KCNIP4: variants seen among roughly 807,000 people sequenced by gnomAD.
The protein encoded by KCNIP4 is Kv channel-interacting protein 4.
KCNIP4 carries 12 observed loss-of-function variants against 34.0 expected under a neutral mutation model. That is an observed-to-expected ratio of 0.35 (90% CI 0.23 to 0.57). The LOEUF is 0.57. Among genes scored for constraint, KCNIP4 ranks in the 20% least tolerant of loss-of-function variants. The pLI is 0.83. For missense variants in KCNIP4, 238 were observed against 311.7 expected (o/e 0.76, Z 1.78); for synonymous variants, 124 against 102.2 (o/e 1.21, Z -1.29).
At chr4:21,020,254 T>A (rs1739920735) in intron 1 of KCNIP4, among the ~76,000 whole-genome samples, 1 of 152,156 alleles carries the variant, frequency 6.6e-6, no homozygotes, top group African/African-American at 2.4e-5. Context: ...TTATCTAAAT[T>A]ATCTGAGAAA....
intron 1 of KCNIP4, among the ~76,000 whole-genome samples, chr4:21,390,515 C>A (rs4634205): frequency 0.76 from 115,728 of 151,992 alleles, 45,885 homozygotes; most frequent in Non-Finnish European, 0.89. Flanking sequence ...TCAGCTTTCT[C>A]CATATGGCTA....
chr4:20,873,906 G>A (rs968859183), intron 2 of KCNIP4, among the ~76,000 whole-genome samples: 1 of 152,122 alleles, frequency 6.6e-6, no homozygotes, highest in African/African-American at 2.4e-5. Context: ...TACCTAGAAT[G>A]CTCCTCCTTT....
intron 1 of KCNIP4, among the ~76,000 whole-genome samples, chr4:21,074,501 T>A (rs1348318419): frequency 6.6e-6 from 1 of 152,204 alleles, no homozygotes; most frequent in Non-Finnish European, 1.5e-5. Context: ...TATCATTTTT[T>A]ATTGCGTCTA....
intron 3 of KCNIP4, among the ~76,000 whole-genome samples, chr4:20,819,812 G>A (rs1210752903): frequency 1.3e-5 from 2 of 152,178 alleles, no homozygotes; most frequent in African/African-American, 2.4e-5. Flanking sequence ...CATCCCTTCT[G>A]GAGGATGCAC....
intron 1 of KCNIP4, among the ~76,000 whole-genome samples, chr4:21,495,929 C>A (rs1732812301): frequency 6.6e-6 from 1 of 152,166 alleles, no homozygotes; most frequent in South Asian, 2.1e-4. Flanking sequence ...TCTAGCTCAC[C>A]TCCTAAGATT....
At chr4:20,803,504 A>T (rs936670610) in intron 3 of KCNIP4, among the ~76,000 whole-genome samples, 2 of 121,186 alleles carry the variant, frequency 1.7e-5, no homozygotes, top group Non-Finnish European at 3.4e-5. Context: ...AAAAAAAAAA[A>T]AAATTAGCTG....
intron 1 of KCNIP4, among the ~76,000 whole-genome samples, chr4:21,661,305 G>C (rs1211595133): frequency 6.6e-6 from 1 of 152,096 alleles, no homozygotes; most frequent in Admixed American, 6.6e-5. Context: ...CAAGAATTTG[G>C]GAGGCAGTGG....
chr4:21,867,050 C>T (rs1471050731), intron 1 of KCNIP4, among the ~76,000 whole-genome samples: 4 of 152,202 alleles, frequency 2.6e-5, no homozygotes, highest in Middle Eastern at 3.4e-3. Context: ...GGATTACAGG[C>T]GTGAGCCACC....
At chr4:21,172,681 AT>A (rs1384699394) in intron 1 of KCNIP4, among the ~76,000 whole-genome samples, 1 of 152,208 alleles carries the variant, frequency 6.6e-6, no homozygotes, top group Non-Finnish European at 1.5e-5. Flanking sequence ...ATGTGCAAGG[AT>A]GGTAAAACAT....
intron 1 of KCNIP4, among the ~76,000 whole-genome samples, chr4:21,720,037 G>GAAAAGA (rs1553924616): frequency 6.0e-5 from 8 of 133,988 alleles, no homozygotes; most frequent in African/African-American, 2.5e-4. Flanking sequence ...GAAGGAGAAG[G>GAAAAGA]AGAAGGAGAA....
At chr4:21,645,476 A>G (rs1414720184) in intron 1 of KCNIP4, among the ~76,000 whole-genome samples, 2 of 152,214 alleles carry the variant, frequency 1.3e-5, no homozygotes, top group Non-Finnish European at 2.9e-5. Context: ...GTCCCTAAGC[A>G]ATGAGTATCT....
intron 8 of KCNIP4, 114 bp downstream of exon 8, chr4:20,731,892 T>C: frequency 2.7e-6 from 4 of 1,484,994 alleles, no homozygotes; most frequent in Non-Finnish European, 3.6e-6. Context: ...GTAGAAGTGG[T>C]AAACTTAGGC....
chr4:21,505,201 C>G lies in KCNIP4; in HGVS notation c.61+443370G>C, dbSNP rs916809559. 3.3e-5 allele frequency among the ~76,000 whole-genome samples: 5 copies of G among 151,698 alleles called. No individual in the cohort carries two copies. The Middle Eastern group carries it at 0.014, about 416-fold the overall frequency. ...AGAGAGACATGTTCTTGAACTGGTT[C>G]TGTGAACTGTAGTTTCATAGATTTT... On this transcript the variant is annotated intron_variant, in intron 1 of 8. Coordinates refer to ENST00000382152, the MANE Select transcript of KCNIP4 (RefSeq NM_025221.6).
chr4:20,799,262 C>T (rs1578645513), intron 3 of KCNIP4, among the ~76,000 whole-genome samples: 1 of 152,198 alleles, frequency 6.6e-6, no homozygotes, highest in East Asian at 1.9e-4. Flanking sequence ...GAGCTATCAA[C>T]TGCACCTCAC....
chr4:20,892,357 C>T (rs2149538067), intron 1 of KCNIP4, among the ~76,000 whole-genome samples: 1 of 152,274 alleles, frequency 6.6e-6, no homozygotes. Flanking sequence ...TAATGCTACT[C>T]TCTGTCAGCC....
In KCNIP4 at chr4:21,335,245, G is replaced by A. The variant is rs117411849; in HGVS notation, c.62-452536C>T. The stretch of plus-strand genomic sequence containing the variant: ...AGATAACTGGACCTCATAGCATCTC[G>A]GCATCTTAACTTGTGAACCAACGGC... On this transcript the variant is annotated intron_variant, in intron 1 of 8. Coordinates refer to ENST00000382152, the MANE Select transcript of KCNIP4 (RefSeq NM_025221.6). 2.7e-4 allele frequency among the ~76,000 whole-genome samples: 41 copies of A among 151,908 alleles called. No homozygotes were observed. The East Asian group carries it at 6.2e-3, about 23-fold the overall frequency.
At chr4:21,907,797 A>C (rs1190908428) in intron 1 of KCNIP4, among the ~76,000 whole-genome samples, 5 of 152,166 alleles carry the variant, frequency 3.3e-5, no homozygotes, top group Admixed American at 1.3e-4. Context: ...ACACAATAAT[A>C]ATGTTTTATA....
intron 5 of KCNIP4, among the ~76,000 whole-genome samples, chr4:20,739,809 A>G (rs1209630301): frequency 6.6e-6 from 1 of 152,204 alleles, no homozygotes; most frequent in Non-Finnish European, 1.5e-5. Flanking sequence ...CTAAAGGAAG[A>G]TGTTCGAACC....
At chr4:21,578,907 GT>G (rs1306397909) in intron 1 of KCNIP4, among the ~76,000 whole-genome samples, 1 of 152,118 alleles carries the variant, frequency 6.6e-6, no homozygotes, top group Non-Finnish European at 1.5e-5. Flanking sequence ...GAGACCAATT[GT>G]TTTGCATGCT....
Sources: allele counts gnomAD v4.1 joint callset (sites outside exome capture counted in the v4.1 genomes callset), GRCh38; gene constraint gnomAD v4.1.1; transcripts MANE v1.5; gene names NCBI Gene and HGNC (gene_info 2026-07-23, HGNC 2026-07-21).